Variants in NRG4 observed in about 807,000 individuals in gnomAD.
The protein encoded by NRG4 is neuregulin 4.
NRG4 carries 10 observed loss-of-function variants against 15.0 expected under a neutral mutation model. The observed-to-expected ratio is 0.67, with a 90% CI of 0.41 to 1.13. The LOEUF is 1.13. Ranked by LOEUF, NRG4 falls within the 50% of genes most tolerant of loss-of-function variation. NRG4 has a pLI of 0.00. For synonymous variants in NRG4, 41 were observed against 50.1 expected, an observed-to-expected ratio of 0.82 and a Z score of 0.77; for missense variants, 139 against 140.2, an observed-to-expected ratio of 0.99 and a Z score of 0.04.
At chr15:75,967,766 A>C (rs2032886777) in intron 3 of NRG4, among the ~76,000 whole-genome samples, 1 of 152,042 alleles carries the variant, frequency 6.6e-6, no homozygotes, top group African/African-American at 2.4e-5. Context: ...CTGGCCGCAA[A>C]ATCTGATTCT....
At chr15:75,952,122 G>A (rs1233098372) in intron 5 of NRG4, among the ~76,000 whole-genome samples, 3 of 151,978 alleles carry the variant, frequency 2.0e-5, no homozygotes, top group Non-Finnish European at 4.4e-5. Flanking sequence ...CATTTAAATT[G>A]TACAATTCAA....
intron 5 of NRG4, among the ~76,000 whole-genome samples, chr15:76,029,721 G>C (rs1304083826): frequency 6.6e-6 from 1 of 152,066 alleles, no homozygotes; most frequent in Admixed American, 6.5e-5. Flanking sequence ...TTTAACCAAA[G>C]AAGTAAAGGA....
intron 4 of NRG4, among the ~76,000 whole-genome samples, chr15:75,956,994 T>G (rs1413277067): frequency 6.6e-6 from 1 of 152,186 alleles, no homozygotes; most frequent in Non-Finnish European, 1.5e-5. Context: ...AATTATACAC[T>G]TTGATTTTCT....
intron 3 of NRG4, among the ~76,000 whole-genome samples, chr15:75,983,889 T>A (rs1230254084): frequency 6.6e-6 from 1 of 152,194 alleles, no homozygotes; most frequent in Admixed American, 6.6e-5. Context: ...ATAAATGTTA[T>A]CCCAATATCT....
intron 4 of NRG4, among the ~76,000 whole-genome samples, chr15:76,044,298 G>C (rs975922598): frequency 6.9e-6 from 1 of 145,156 alleles, no homozygotes; most frequent in Non-Finnish European, 1.5e-5. Context: ...CACCGCGCCC[G>C]GCCACATGAA....
At chr15:75,986,395 A>C (rs2033803405) in intron 3 of NRG4, among the ~76,000 whole-genome samples, 1 of 152,182 alleles carries the variant, frequency 6.6e-6, no homozygotes, top group South Asian at 2.1e-4. Flanking sequence ...GTATTAGCAA[A>C]AGATAAGTAA....
At chr15:76,014,027 C>T (rs773563524), upstream of NRG4, among the ~76,000 whole-genome samples, 5 of 152,056 alleles carry the variant, frequency 3.3e-5, no homozygotes, top group Admixed American at 6.6e-5. Context: ...TTTTAATGAT[C>T]GCCATTCTAA....
In NRG4 at chr15:75,990,682, T is replaced by TC. The variant is rs953320530; in HGVS notation, c.104+18517_104+18518insG. Among the ~76,000 whole-genome samples, 23 of 147,580 alleles carry TC rather than the reference T, an allele frequency of 1.6e-4. 1 individual carries two copies. Among genetic ancestry groups the TC allele is most frequent in the Admixed American group, 1.0e-3 (15 of 14,886 alleles). On this transcript the variant is annotated intron_variant, in intron 3 of 5. Coordinates refer to ENST00000394907, the MANE Select transcript of NRG4 (RefSeq NM_138573.4). ...TGTAGTTGGTAATTGTTTTTTTTTT[T>TC]TGTTTTTTTTTTTTTTGAGACAGGG...
At chr15:76,040,397 A>G (rs891060292) in intron 4 of NRG4, among the ~76,000 whole-genome samples, 1 of 152,228 alleles carries the variant, frequency 6.6e-6, no homozygotes, top group Non-Finnish European at 1.5e-5. Context: ...TTTCATCAAC[A>G]TCAGACCTGT....
intron 5 of NRG4, among the ~76,000 whole-genome samples, chr15:76,023,805 A>G (rs1443589895): frequency 6.6e-6 from 1 of 152,172 alleles, no homozygotes; most frequent in Non-Finnish European, 1.5e-5. Flanking sequence ...CAGCAGGGAA[A>G]CCAATTCCCA....
chr15:76,010,198 T>C (rs2034758548), intron 2 of NRG4, among the ~76,000 whole-genome samples: 1 of 152,154 alleles, frequency 6.6e-6, no homozygotes, highest in Non-Finnish European at 1.5e-5. Flanking sequence ...TAGTAATTTA[T>C]GAAGAGAAAA....
chr15:75,988,721 T>C (rs1024310210), intron 3 of NRG4, among the ~76,000 whole-genome samples: 4 of 151,984 alleles, frequency 2.6e-5, no homozygotes. Flanking sequence ...TGAATCAACA[T>C]GGAGAAGTCA....
downstream of NRG4, chr15:75,940,868 A>G (rs537541608): frequency 4.6e-5 from 7 of 152,292 alleles, no homozygotes; most frequent in South Asian, 1.2e-3. Flanking sequence ...CTAAAACCAT[A>G]AAACTCTTAG....
rs529774157 is a variant in NRG4, at chr15:76,052,001, G to T, written c.-105+66C>A. On this transcript the variant is annotated intron_variant, in intron 4 of 8. Coordinates refer to the NRG4 transcript ENST00000563910. ...TTAGTTAAATCAAACCAATGATCTA[G>T]GATTATAATTAACAAATTATGGCTA... is the stretch of plus-strand genomic sequence containing the variant. The T allele has an allele frequency of 4.6e-4, 69 of 150,902 alleles. 6 individuals are homozygous for T. The highest frequency in any genetic ancestry group is 1.7e-3 in the African/African-American group (67 of 40,528). The allele number at this position is 150,902 out of a possible 1,614,324, so 9.3% of individuals were successfully genotyped here.
chr15:76,024,672 G>A (rs558507744), intron 5 of NRG4, among the ~76,000 whole-genome samples: 5 of 152,110 alleles, frequency 3.3e-5, no homozygotes, highest in African/African-American at 2.4e-5. Flanking sequence ...GTGCATACTC[G>A]CACCTTGATC....
At chr15:76,033,227 G>T (rs755052878) in intron 5 of NRG4, among the ~76,000 whole-genome samples, 7 of 152,072 alleles carry the variant, frequency 4.6e-5, no homozygotes, top group Non-Finnish European at 1.0e-4. Context: ...AAGTTTTTTT[G>T]TTTTGTTTTG....
intron 5 of NRG4, chr15:75,950,468 C>T: frequency 4.3e-6 from 1 of 230,438 alleles, no homozygotes. Flanking sequence ...TCCCTCTGGT[C>T]AGTGGAGTCA....
chr15:75,943,711 G>A (rs779891748), intron 5 of NRG4, 57 bp from the exon 6 acceptor site: 61 of 1,092,212 alleles, frequency 5.6e-5, no homozygotes, highest in East Asian at 4.0e-4. Flanking sequence ...TTCTTACTAC[G>A]CACACCTATC....
rs904795556 is a variant in NRG4, at chr15:75,949,304, G to A, written c.332-5650C>T. ...CACATGTGTGTAGTCCCAGCTACTC[G>A]GGAGGCTGAGACACAAGAATCCATT... is the stretch of plus-strand genomic sequence containing the variant. On this transcript the variant is annotated intron_variant, in intron 5 of 5. Transcript: ENST00000394907. Among the ~76,000 whole-genome samples, 17 of 151,622 alleles carry A rather than the reference G, an allele frequency of 1.1e-4. No individual in the cohort carries two copies. The East Asian group carries it at 1.4e-3, about 12-fold the overall frequency.
Sources: allele counts gnomAD v4.1 joint callset (sites outside exome capture counted in the v4.1 genomes callset), GRCh38; gene constraint gnomAD v4.1.1; transcripts MANE v1.5; gene names NCBI Gene and HGNC (gene_info 2026-07-23, HGNC 2026-07-21).